The following RAB27A variants were observed in gnomAD, a reference collection of about 807,000 sequenced individuals.
The protein encoded by RAB27A is ras-related protein Rab-27A.
A neutral mutation model predicts 20.8 loss-of-function variants in RAB27A; 17 were observed. The observed-to-expected ratio is 0.82, with a 90% CI of 0.56 to 1.23. RAB27A has a LOEUF of 1.23. RAB27A is among the 50% of genes most tolerant of loss of function. The pLI is 0.00. For synonymous variants in RAB27A, 85 were observed against 92.8 expected, an observed-to-expected ratio of 0.92 and a Z score of 0.48; for missense variants, 277 against 266.7, an observed-to-expected ratio of 1.04 and a Z score of -0.27.
At chr15:55,236,838 C>T (rs535195522) in intron 2 of RAB27A, among the ~76,000 whole-genome samples, 1 of 152,178 alleles carries the variant, frequency 6.6e-6, no homozygotes, top group African/African-American at 2.4e-5. Context: ...TTTATCATTT[C>T]TATGCATTGA....
chr15:55,208,786 C>A (rs1894776916), intron 6 of RAB27A, among the ~76,000 whole-genome samples: 1 of 152,244 alleles, frequency 6.6e-6, no homozygotes, highest in South Asian at 2.1e-4. Context: ...TCTTCCTGGG[C>A]TGGTGGCTGG....
intron 6 of RAB27A, among the ~76,000 whole-genome samples, chr15:55,212,584 C>T (rs1043496611): frequency 2.3e-4 from 34 of 146,578 alleles, no homozygotes; most frequent in South Asian, 4.3e-4. Flanking sequence ...GCCTGGAGTG[C>T]AGTGGCGCCA....
chr15:55,304,482 GAA>G (rs71437808), intron 2 of RAB27A, among the ~76,000 whole-genome samples: 88 of 148,946 alleles, frequency 5.9e-4, no homozygotes, highest in African/African-American at 2.1e-3. Flanking sequence ...TTAAAAAAAA[GAA>G]AAAAAAAAGT....
chr15:55,301,461 C>A (rs1461128450), intron 2 of RAB27A, among the ~76,000 whole-genome samples: 1 of 142,070 alleles, frequency 7.0e-6, no homozygotes, highest in Admixed American at 7.1e-5. Flanking sequence ...ATAAAGTTCA[C>A]CCCTTAAAAG....
intron 2 of RAB27A, among the ~76,000 whole-genome samples, chr15:55,312,879 G>A (rs561476958): frequency 1.3e-5 from 2 of 152,262 alleles, no homozygotes; most frequent in South Asian, 4.1e-4. Flanking sequence ...CATGCTCTAA[G>A]ACAAAATATG....
intron 2 of RAB27A, among the ~76,000 whole-genome samples, chr15:55,247,564 C>T (rs1366908229): frequency 6.6e-6 from 1 of 152,128 alleles, no homozygotes; most frequent in East Asian, 1.9e-4. Context: ...ATCTCAACTT[C>T]CTCAAGTTTT....
intron 2 of RAB27A, chr15:55,313,969 T>C (rs553685074): frequency 2.7e-4 from 39 of 145,544 alleles, no homozygotes; most frequent in Non-Finnish European, 4.0e-4. Context: ...CGAGACTCCA[T>C]CTCAATAAAT....
intron 2 of RAB27A, among the ~76,000 whole-genome samples, chr15:55,242,870 G>A (rs938885705): frequency 2.6e-5 from 4 of 152,142 alleles, no homozygotes; most frequent in Non-Finnish European, 4.4e-5. Flanking sequence ...AGTTAGACAT[G>A]GGGCTAATCT....
At chr15:55,316,996 T>G (rs1272772411) in intron 1 of RAB27A, among the ~76,000 whole-genome samples, 6 of 152,084 alleles carry the variant, frequency 3.9e-5, no homozygotes, top group African/African-American at 1.2e-4. Flanking sequence ...CAAACACCCT[T>G]CCCAATTATT....
intron 2 of RAB27A, among the ~76,000 whole-genome samples, chr15:55,252,279 G>A (rs1433413083): frequency 1.3e-5 from 2 of 152,152 alleles, no homozygotes; most frequent in Non-Finnish European, 2.9e-5. Flanking sequence ...GGTGATGGGT[G>A]CACTAAAATC....
At chr15:55,232,398 T>C (rs181494775) in intron 3 of RAB27A, among the ~76,000 whole-genome samples, 5 of 152,294 alleles carry the variant, frequency 3.3e-5, no homozygotes, top group Non-Finnish European at 7.4e-5. Flanking sequence ...AATAGACACA[T>C]TATTTTAAAT....
chr15:55,310,055 C>T (rs143196477), intron 2 of RAB27A, among the ~76,000 whole-genome samples: 2,637 of 152,170 alleles, frequency 0.017, 78 homozygotes, highest in African/African-American at 0.06. Context: ...TGTTCCTTCT[C>T]CTATGTTCAG....
intron 2 of RAB27A, chr15:55,269,649 G>C (rs1897638765): frequency 6.6e-6 from 1 of 152,146 alleles, no homozygotes; most frequent in Non-Finnish European, 1.5e-5. Context: ...GCTGAGGCAG[G>C]AGAATCACTT....
chr15:55,244,697 T>G (rs1381680707), intron 2 of RAB27A, among the ~76,000 whole-genome samples: 1 of 152,200 alleles, frequency 6.6e-6, no homozygotes, highest in Non-Finnish European at 1.5e-5. Flanking sequence ...CAAAATTATT[T>G]TTGCAGAGAA....
At chr15:55,231,990 A>T (rs573613004) in intron 3 of RAB27A, among the ~76,000 whole-genome samples, 1 of 152,320 alleles carries the variant, frequency 6.6e-6, no homozygotes, top group African/African-American at 2.4e-5. Flanking sequence ...CTAAAAGGCC[A>T]TGTTCATGGG....
intron 2 of RAB27A, chr15:55,238,253 G>T (rs576759979): frequency 1.3e-5 from 2 of 152,068 alleles, no homozygotes; most frequent in African/African-American, 4.8e-5. Flanking sequence ...TGATTTGCAC[G>T]ATCTAGAATC....
chr15:55,257,939 G>A (rs970134246), intron 2 of RAB27A, among the ~76,000 whole-genome samples: 3 of 151,986 alleles, frequency 2.0e-5, no homozygotes, highest in Non-Finnish European at 4.4e-5. Context: ...GTTACAGTGA[G>A]CTGAGATCAT....
At chr15:55,236,713 A>C (rs1237286315) in intron 2 of RAB27A, among the ~76,000 whole-genome samples, 1 of 152,142 alleles carries the variant, frequency 6.6e-6, no homozygotes, top group Non-Finnish European at 1.5e-5. Context: ...TTTTCATTAA[A>C]ATTTTATTGA....
chr15:55,293,399 T>C (rs570094709), upstream of RAB27A, among the ~76,000 whole-genome samples: 1 of 151,480 alleles, frequency 6.6e-6, no homozygotes, highest in South Asian at 2.1e-4. Flanking sequence ...CTATTAGTGC[T>C]AATAAATGAA....
Sources: allele counts gnomAD v4.1 joint callset (sites outside exome capture counted in the v4.1 genomes callset), GRCh38; gene constraint gnomAD v4.1.1; transcripts MANE v1.5; gene names NCBI Gene and HGNC (gene_info 2026-07-23, HGNC 2026-07-21).